The following ASAP2 variants were observed in gnomAD, a reference collection of about 807,000 sequenced individuals.
The protein encoded by ASAP2 is ArfGAP with SH3 domain, ankyrin repeat and PH domain 2, also known as arf-GAP with SH3 domain, ANK repeat and PH domain-containing protein 2.
A neutral mutation model predicts 131.4 loss-of-function variants in ASAP2; 45 were observed. That is an observed-to-expected ratio of 0.34 (90% CI 0.27 to 0.44). The LOEUF is 0.44. Ranked by LOEUF, ASAP2 falls within the 20% of genes least tolerant of loss-of-function variation. The probability of loss-of-function intolerance (pLI) is 1.00; values close to 1 mark genes in which losing one functional copy is unlikely to be tolerated. For synonymous variants in ASAP2, 510 were observed against 503.0 expected (o/e 1.01, Z -0.19); for missense variants, 1,011 against 1,297.0 (o/e 0.78, Z 3.39).
Position 9,352,211 on chromosome 2 carries a change from A to AC in ASAP2, c.1111+1316_1111+1317insC, listed in dbSNP as rs1558357711. 4.8e-3 allele frequency among the ~76,000 whole-genome samples: 466 copies of AC among 97,556 alleles called. 4 individuals are homozygous for AC. The highest frequency in any genetic ancestry group is 0.017 in the African/African-American group (446 of 26,342). 64.0% of individuals were successfully genotyped at this position (97,556 alleles called of 152,430 possible). Reference sequence around the variant, plus strand: ...GACCCTAACTCTTTAAAACACACACAAACACACACACACACACACACACAC... The same window carrying AC: ...GACCCTAACTCTTTAAAACACACACACAACACACACACACACACACACACAC... On this transcript the variant is annotated intron_variant, in intron 12 of 27. Coordinates refer to ENST00000281419, the MANE Select transcript of ASAP2 (RefSeq NM_003887.3).
chr2:9,302,693 T>G (rs1310916930), intron 3 of ASAP2, among the ~76,000 whole-genome samples: 1 of 152,134 alleles, frequency 6.6e-6, no homozygotes, highest in Non-Finnish European at 1.5e-5. Flanking sequence ...CAGGCTGGTC[T>G]CGAACTCCTG....
In ASAP2 at chr2:9,268,677, C is replaced by T. The variant is rs1461188983; in HGVS notation, c.127-10640C>T. Among the ~76,000 whole-genome samples the T allele has an allele frequency of 6.6e-6, 1 of 152,200 alleles. No homozygotes were observed. The highest frequency in any genetic ancestry group is 1.5e-5 in the Non-Finnish European group (1 of 68,044). On this transcript the variant is annotated intron_variant, in intron 1 of 27. Transcript: ENST00000281419. This position sits in a 1 kb window ranked among gnomAD's most constrained non-coding sequence, Gnocchi z 4.1. ...GTCTGACTCTTCTTGGCAAAGCCAC[C>T]CTGGGGGCACGGACCTGGGTGTGTT...
At chr2:9,275,585 G>A (rs1029261812) in intron 1 of ASAP2, among the ~76,000 whole-genome samples, 6 of 152,082 alleles carry the variant, frequency 3.9e-5, no homozygotes, top group African/African-American at 1.4e-4. Flanking sequence ...TCTTCTTTGC[G>A]TAGCCTCTCC....
At chr2:9,393,788 G>C (rs1389350104) in intron 24 of ASAP2, 141 bp downstream of exon 24, 1 of 895,796 alleles carries the variant, frequency 1.1e-6, no homozygotes, top group Non-Finnish European at 1.6e-6. Context: ...GGGGCTGAAG[G>C]GTCTTAAAAA....
At chr2:9,234,421 GCA>G (rs1481022635) in intron 1 of ASAP2, among the ~76,000 whole-genome samples, 1 of 152,154 alleles carries the variant, frequency 6.6e-6, no homozygotes, top group Non-Finnish European at 1.5e-5. Flanking sequence ...AGAGGAGACA[GCA>G]CACAGATTGC....
intron 3 of ASAP2, among the ~76,000 whole-genome samples, chr2:9,306,889 C>T (rs1572406928): frequency 6.6e-6 from 1 of 151,874 alleles, no homozygotes; most frequent in Non-Finnish European, 1.5e-5. Context: ...GGGCCCTGGC[C>T]GGACATCCAC....
At chr2:9,222,962 T>C (rs1395333107) in intron 1 of ASAP2, among the ~76,000 whole-genome samples, 2 of 152,188 alleles carry the variant, frequency 1.3e-5, no homozygotes, top group Non-Finnish European at 1.5e-5. Context: ...CCTTGGTCTA[T>C]TTCCAGACCC....
chr2:9,318,158 C>T (rs900559616), intron 3 of ASAP2, among the ~76,000 whole-genome samples: 2 of 152,146 alleles, frequency 1.3e-5, no homozygotes, highest in East Asian at 1.9e-4. Flanking sequence ...TGGGTGGAGC[C>T]GTGATTGAGA....
intron 1 of ASAP2, among the ~76,000 whole-genome samples, chr2:9,227,050 A>G (rs1488691527): frequency 6.6e-6 from 1 of 152,126 alleles, no homozygotes; most frequent in African/African-American, 2.4e-5. Flanking sequence ...AGAAGGAAGT[A>G]TGTGTGAGAG....
chr2:9,373,989 T>G (rs1674188013), intron 16 of ASAP2, among the ~76,000 whole-genome samples: 3 of 152,100 alleles, frequency 2.0e-5, no homozygotes, highest in Non-Finnish European at 4.4e-5. Flanking sequence ...GGTGCTACTG[T>G]GAGGATGTAT....
rs1213363045 is a variant in ASAP2 at position 9,388,551 on chromosome 2, G to GA, written c.2383+7dup. On this transcript the variant is annotated splice_donor_region_variant and intron_variant, in intron 22 of 27. Transcript: ENST00000281419. ...CTCCACGGAATGTTGGCAAAGGTAT[G>GA]AAGCTGTCCGTCATCCCTGTGAATA... The GA allele has an allele frequency of 1.9e-6, 3 of 1,610,888 alleles. No individual in the cohort carries two copies. In the Admixed American group the frequency reaches 5.1e-5, roughly 27 times the overall value.
chr2:9,212,757 C>T (rs1661676728), intron 1 of ASAP2, among the ~76,000 whole-genome samples: 1 of 152,208 alleles, frequency 6.6e-6, no homozygotes, highest in Admixed American at 6.5e-5. Flanking sequence ...TGGCTGGTGG[C>T]TACCATATTG....
intron 1 of ASAP2, among the ~76,000 whole-genome samples, chr2:9,246,357 G>A (rs1207303813): frequency 2.6e-5 from 4 of 152,154 alleles, no homozygotes; most frequent in Non-Finnish European, 5.9e-5. Flanking sequence ...TGCAGATCAT[G>A]GCCCACTGCA....
At position 9,207,101 on chromosome 2, in the gene ASAP2, G is replaced by A. The variant is rs970191145; in HGVS notation, c.-4G>A. 17 of 1,580,006 alleles carry A rather than the reference G, an allele frequency of 1.1e-5. No homozygotes were observed. The highest frequency in any genetic ancestry group is 1.4e-5 in the Non-Finnish European group (16 of 1,164,404). On this transcript the variant is annotated 5_prime_UTR_variant, in exon 1 of 28. Coordinates refer to ENST00000281419, the MANE Select transcript of ASAP2 (RefSeq NM_003887.3). This position sits in a 1 kb window ranked among gnomAD's most constrained non-coding sequence, Gnocchi z 4.1. ...CTGTGCGCCAGCGCCCTCGCGCCGA[G>A]GCGATGCCGGACCAGATCTCCGTGT...
intron 21 of ASAP2, 110 bp from the exon 22 acceptor site, chr2:9,388,184 C>T (rs1329178302): frequency 7.1e-7 from 1 of 1,406,564 alleles, no homozygotes; most frequent in South Asian, 1.3e-5. Context: ...CAAATGGTAC[C>T]AGGCCCAGCA....
chr2:9,364,863 C>G (rs1474270964), intron 15 of ASAP2, among the ~76,000 whole-genome samples: 3 of 152,166 alleles, frequency 2.0e-5, no homozygotes, highest in Non-Finnish European at 4.4e-5. Context: ...TCTACGTACA[C>G]TGTATTATCT....
intron 19 of ASAP2, among the ~76,000 whole-genome samples, chr2:9,379,923 C>T (rs981043039): frequency 2.7e-5 from 4 of 148,264 alleles, no homozygotes; most frequent in Admixed American, 2.1e-4. Context: ...ACCCGGGAGG[C>T]GGAGGTTGCA....
intron 21 of ASAP2, among the ~76,000 whole-genome samples, chr2:9,385,789 C>G (rs1368102171): frequency 1.3e-5 from 2 of 152,168 alleles, no homozygotes; most frequent in African/African-American, 4.8e-5. Flanking sequence ...GGGTCCAACC[C>G]CTTCCTTTAT....
At chr2:9,226,477 T>C (rs887619930) in intron 1 of ASAP2, among the ~76,000 whole-genome samples, 1 of 152,200 alleles carries the variant, frequency 6.6e-6, no homozygotes, top group Non-Finnish European at 1.5e-5. Context: ...GATCTGAGGA[T>C]GTTCCATAAT....
Sources: allele counts gnomAD v4.1 joint callset (sites outside exome capture counted in the v4.1 genomes callset), GRCh38; gene constraint gnomAD v4.1.1; non-coding constraint Gnocchi (gnomAD v3.1); transcripts MANE v1.5; gene names NCBI Gene and HGNC (gene_info 2026-07-23, HGNC 2026-07-21).